REPS1: variants seen among roughly 807,000 people sequenced by gnomAD.
REPS1 encodes ralBP1-associated Eps domain-containing protein 1.
REPS1 carries 39 observed loss-of-function variants against 100.9 expected under a neutral mutation model. That is an observed-to-expected ratio of 0.39 (90% CI 0.30 to 0.50). The LOEUF is 0.50. Ranked by LOEUF, REPS1 falls within the 20% of genes least tolerant of loss-of-function variation. The pLI is 0.86. For synonymous variants in REPS1, 324 were observed against 340.3 expected (o/e 0.95, Z 0.53); for missense variants, 821 against 968.5 (o/e 0.85, Z 2.02).
At position 138,915,879 on chromosome 6, in the gene REPS1, G is replaced by A. The variant is rs762705256; in HGVS notation, c.1699C>T (p.Arg567Trp). 5.5e-5 allele frequency: 88 copies of A among 1,611,530 alleles called. No homozygotes were observed. The highest frequency in any genetic ancestry group is 7.0e-5 in the Non-Finnish European group (82 of 1,177,790). Reference protein sequence around the residue: ...HSRSSSLDMNRTFTVTTGQQQ... With the variant: ...HSRSSSLDMNWTFTVTTGQQQ... ...CTACCTGTGGTGACTGTAAAGGTCC[G>A]ATTCATATCTAAAGATGATGATCTA... The change falls in exon 14 of 20, where the codon CGG becomes TGG. Residue 567 changes from arginine to tryptophan, a missense_variant. Physicochemically the swap from Arg to Trp is moderately radical, Grantham distance 101 (BLOSUM62 -3). Coordinates refer to ENST00000450536, the MANE Select transcript of REPS1 (RefSeq NM_001286611.2).
chr6:138,936,224 G>A (rs545705614), intron 8 of REPS1, among the ~76,000 whole-genome samples: 31 of 151,948 alleles, frequency 2.0e-4, no homozygotes, highest in African/African-American at 6.8e-4. Context: ...ACAGGGTCTC[G>A]CTTTGTCACC....
chr6:138,984,309 C>T (rs185361994), intron 1 of REPS1, among the ~76,000 whole-genome samples: 2 of 152,252 alleles, frequency 1.3e-5, no homozygotes. Context: ...TCTCCAACTC[C>T]TGACCTCAGG....
intron 2 of REPS1, among the ~76,000 whole-genome samples, chr6:138,947,068 CT>C (rs1782674567): frequency 1.4e-5 from 2 of 144,954 alleles, no homozygotes; most frequent in Non-Finnish European, 3.0e-5. Flanking sequence ...CTCTCTCTCT[CT>C]CTCTCTCCTG....
At chr6:138,981,767 T>C (rs1031098178) in intron 1 of REPS1, among the ~76,000 whole-genome samples, 1 of 152,210 alleles carries the variant, frequency 6.6e-6, no homozygotes, top group African/African-American at 2.4e-5. Context: ...GGTTACAAAG[T>C]TAGCTGATGC....
chr6:138,940,009 A>G (rs1342157018), intron 8 of REPS1, among the ~76,000 whole-genome samples: 2 of 152,224 alleles, frequency 1.3e-5, no homozygotes, highest in African/African-American at 4.8e-5. Flanking sequence ...TCAAATCCAC[A>G]TTTCAGGTGG....
chr6:138,941,212 G>T, intron 8 of REPS1, 123 bp downstream of exon 8: 1 of 1,030,332 alleles, frequency 9.7e-7, no homozygotes. Flanking sequence ...ACAAATCTAT[G>T]TACACTTGAT....
intron 13 of REPS1, among the ~76,000 whole-genome samples, chr6:138,917,150 T>C (rs1028646738): frequency 6.6e-6 from 1 of 152,228 alleles, no homozygotes; most frequent in Non-Finnish European, 1.5e-5. Flanking sequence ...TGAAAGGTTA[T>C]ATGTAACGCA....
At position 138,920,976 on chromosome 6, in the gene REPS1, A is replaced by G. The variant is rs1395700734; in HGVS notation, c.1426+61T>C. The G allele has an allele frequency of 3.4e-5, 41 of 1,205,694 alleles. No individual in the cohort carries two copies. In the South Asian group the frequency reaches 4.7e-4, roughly 14 times the overall value. The allele number at this position is 1,205,694 out of a possible 1,614,324, so 74.7% of individuals were successfully genotyped here. On this transcript the variant is annotated intron_variant, in intron 11 of 19. Transcript: ENST00000450536. ...ATGAAAGAAATTTGAACCTTGACAGAATAATTACATATTTCAGTTTGATGT... is the reference window on the plus strand; with the variant it reads ...ATGAAAGAAATTTGAACCTTGACAGGATAATTACATATTTCAGTTTGATGT...
chr6:138,976,048 C>T (rs1784585134), intron 1 of REPS1, among the ~76,000 whole-genome samples: 1 of 152,128 alleles, frequency 6.6e-6, no homozygotes, highest in Non-Finnish European at 1.5e-5. Context: ...GTTGTAATTA[C>T]TTTTCTATGG....
chr6:138,930,452 C>A (rs999479815), intron 8 of REPS1, among the ~76,000 whole-genome samples: 34 of 152,132 alleles, frequency 2.2e-4, no homozygotes, highest in Admixed American at 1.8e-3. Flanking sequence ...GAATACTCAT[C>A]AGTAAGGTGG....
In REPS1 at chr6:138,926,446, T is replaced by G. The variant is rs1249829162; in HGVS notation, c.1293A>C (p.Ser431=). 1 of 1,613,178 alleles carries G rather than the reference T, an allele frequency of 6.2e-7. No homozygotes were observed. Among genetic ancestry groups the G allele is most frequent in the East Asian group, 2.2e-5 (1 of 44,880 alleles). The stretch of plus-strand genomic sequence containing the variant: ...TAGAATCAAATTGGGTCAGAGTTTG[T>G]GAGCTTGAAGAGCGTTCACTAAATG... ...WETFSERSSS[S]QTLTQFDSNI... Residue 431 remains serine, a synonymous_variant, in exon 10 of 20, where the codon TCA becomes TCC. Coordinates refer to ENST00000450536, the MANE Select transcript of REPS1 (RefSeq NM_001286611.2).
At chr6:138,936,605 C>A in intron 8 of REPS1, among the ~76,000 whole-genome samples, 1 of 92,330 alleles carries the variant, frequency 1.1e-5, no homozygotes, top group African/African-American at 4.6e-5. Context: ...GGGAGACAGA[C>A]AGGGACAGAG....
In REPS1 at chr6:138,988,028, G is replaced by A. The variant is rs1044808444; in HGVS notation, c.-346C>T. On this transcript the variant is annotated 5_prime_UTR_variant, in exon 1 of 20. Coordinates refer to ENST00000450536, the MANE Select transcript of REPS1 (RefSeq NM_001286611.2). ...CGAGGCACTGGCGGACTCCGCCCCC[G>A]CCGCGGGTTCGAGTCTCCCCGGCTC... is the stretch of plus-strand genomic sequence containing the variant. The A allele has an allele frequency of 5.0e-6, 2 of 396,662 alleles. No homozygotes were observed. The highest frequency in any genetic ancestry group is 4.4e-6 in the Non-Finnish European group (1 of 224,898). 24.6% of individuals were successfully genotyped at this position (396,662 alleles called of 1,614,324 possible).
chr6:138,969,269 ATTTTTTT>A lies in REPS1; in HGVS notation c.153+18254_153+18260del, dbSNP rs71013004. Among the ~76,000 whole-genome samples, 383 of 74,240 alleles carry A rather than the reference ATTTTTTT, an allele frequency of 5.2e-3. 5 individuals are homozygous for A. The highest frequency in any genetic ancestry group is 0.024 in the East Asian group (47 of 1,942). 48.7% of individuals were successfully genotyped at this position (74,240 alleles called of 152,430 possible). A position where few individuals can be genotyped will look rare whatever the true frequency, so the allele number is the denominator to read the frequency against. ...ACACAATCTATGATACAAAGCTGTA[ATTTTTTT>A]TTTTTTTTTTTTTTTTTTTTTGAGA... is the stretch of plus-strand genomic sequence containing the variant. On this transcript the variant is annotated intron_variant, in intron 1 of 19. Coordinates refer to ENST00000450536, the MANE Select transcript of REPS1 (RefSeq NM_001286611.2).
chr6:138,944,526 A>G lies in REPS1; in HGVS notation c.725T>C (p.Leu242Pro), dbSNP rs776805431. 1 of 1,614,134 alleles carries G rather than the reference A, an allele frequency of 6.2e-7. No homozygotes were observed. The highest frequency in any genetic ancestry group is 8.5e-7 in the Non-Finnish European group (1 of 1,179,966). Residue 242 changes from leucine to proline, a missense_variant, in exon 5 of 20, where the codon CTT becomes CCT. Leu to Pro is a moderately conservative substitution (Grantham distance 98). Around this residue, in one of 3 missense-constraint regions of REPS1, gnomAD observed 757 missense variants for 866.4 expected, o/e 0.87. Coordinates refer to ENST00000450536, the MANE Select transcript of REPS1 (RefSeq NM_001286611.2). The part of the protein sequence containing the change: ...SFADTPPTST[L>P]LTMHPASVQD... Reference sequence around the variant, plus strand: ...GACAGAAGCAGGATGCATGGTTAAAAGAGTACTGGTTGGTGGAGTATCTGC... The same window carrying G: ...GACAGAAGCAGGATGCATGGTTAAAGGAGTACTGGTTGGTGGAGTATCTGC...
intron 8 of REPS1, among the ~76,000 whole-genome samples, chr6:138,940,611 G>T (rs903075916): frequency 6.6e-6 from 1 of 151,998 alleles, no homozygotes; most frequent in Non-Finnish European, 1.5e-5. Flanking sequence ...GGGGCATGGT[G>T]GTGCGTGCCT....
At position 138,947,784 on chromosome 6, in the gene REPS1, A is replaced by G; in HGVS notation, c.277+6T>C. On this transcript the variant is annotated splice_donor_region_variant and intron_variant, in intron 2 of 19. Transcript: ENST00000450536. The stretch of plus-strand genomic sequence containing the variant: ...TCTTTCGGTTACTAGTGTACTCTAT[A>G]TTTACCTGTATTTATACTTTCCACT... 1 of 1,588,640 alleles carries G rather than the reference A, an allele frequency of 6.3e-7. No homozygotes were observed. The highest frequency in any genetic ancestry group is 8.5e-7 in the Non-Finnish European group (1 of 1,171,320).
chr6:138,920,709 T>C lies in REPS1; in HGVS notation c.1426+328A>G, dbSNP rs561800370. ...ATTCCAAGAGTTCAAGCAAAATATA[T>C]AATTTCAAAGCCAAAATTTATTTTA... On this transcript the variant is annotated intron_variant, in intron 11 of 19. Coordinates refer to ENST00000450536, the MANE Select transcript of REPS1 (RefSeq NM_001286611.2). 2.6e-4 allele frequency among the ~76,000 whole-genome samples: 40 copies of C among 152,286 alleles called. 1 individual carries two copies. In the East Asian group the frequency reaches 7.3e-3, roughly 28 times the overall value.
Position 138,943,520 on chromosome 6 carries a change from G to T in REPS1, c.973C>A (p.His325Asn). 6.3e-7 allele frequency: 1 copy of T among 1,582,024 alleles called. No homozygotes were observed. Among genetic ancestry groups the T allele is most frequent in the Non-Finnish European group, 8.7e-7 (1 of 1,152,494 alleles). ...ATGATATACCACACTTACCAAATAT[G>T]AGAAAGTTCAAGAATAGGAAGTTTT... is the stretch of plus-strand genomic sequence containing the variant. ...KSKLPILELS[H>N]IWELSDFDKD... Residue 325 changes from histidine (H) to asparagine (N), a missense_variant, in exon 7 of 20, where the codon CAT becomes AAT. Transcript: ENST00000450536.
Sources: gnomAD v4.1 joint callset for allele counts (sites outside exome capture counted in the v4.1 genomes callset) on GRCh38, gnomAD v4.1.1 for gene constraint, gnomAD v4.1.1 regional missense constraint, MANE v1.5 for transcripts, NCBI Gene and HGNC (gene_info 2026-07-23, HGNC 2026-07-21) for gene names.